The following DCLK2 variants were observed in gnomAD, a reference collection of about 807,000 sequenced individuals.
DCLK2 encodes the protein serine/threonine-protein kinase DCLK2.
DCLK2 carries 31 observed loss-of-function variants against 78.4 expected under a neutral mutation model. The ratio of observed to expected loss-of-function variants is 0.40; its 90% confidence interval spans 0.30 to 0.53. DCLK2 has a LOEUF of 0.53. DCLK2 is among the 20% of genes least tolerant of loss of function. The pLI is 0.61. For synonymous variants in DCLK2, 407 were observed against 374.9 expected (o/e 1.09, Z -0.99); for missense variants, 872 against 973.7 (o/e 0.90, Z 1.39).
rs528957477 is a variant in DCLK2 at position 150,130,489 on chromosome 4, G to C, written c.756+27677G>C. ...CATGCATGCACGTACAGCAGTAGCA[G>C]CAGCAGAAAAGCAAGTACAAAGATG... On this transcript the variant is annotated intron_variant, in intron 2 of 15. Coordinates refer to ENST00000296550, the MANE Select transcript of DCLK2 (RefSeq NM_001040260.4). Among the ~76,000 whole-genome samples, 3 of 152,212 alleles carry C rather than the reference G, an allele frequency of 2.0e-5. 1 individual carries two copies. The South Asian group carries it at 6.2e-4, about 32-fold the overall frequency.
intron 4 of DCLK2, chr4:150,198,911 C>CCCT (rs35851047): frequency 8.3e-5 from 12 of 144,770 alleles, no homozygotes; most frequent in Non-Finnish European, 8.8e-5. Context: ...CCTTTCAGCA[C>CCCT]CCCCCCCCCC....
intron 15 of DCLK2, chr4:150,254,002 G>T: frequency 2.7e-6 from 2 of 742,056 alleles, no homozygotes; most frequent in Non-Finnish European, 3.3e-6. Flanking sequence ...CTTGGTTTCA[G>T]GCAGGGCTGA....
chr4:150,202,524 C>T (rs567353200), intron 4 of DCLK2, among the ~76,000 whole-genome samples: 1 of 152,110 alleles, frequency 6.6e-6, no homozygotes, highest in Admixed American at 6.5e-5. Context: ...TTCTTGTAAT[C>T]ATTAGTACTC....
chr4:150,117,294 A>G (rs998909463), intron 2 of DCLK2, among the ~76,000 whole-genome samples: 2 of 152,160 alleles, frequency 1.3e-5, no homozygotes, highest in Admixed American at 6.5e-5. Flanking sequence ...TCTCGTAGGC[A>G]GTGTTCCACT....
At chr4:150,126,518 A>G (rs1732928992) in intron 2 of DCLK2, among the ~76,000 whole-genome samples, 4 of 152,208 alleles carry the variant, frequency 2.6e-5, no homozygotes, top group Admixed American at 2.0e-4. Flanking sequence ...GCCGTGGAGT[A>G]ATAGGTTTTA....
chr4:150,221,958 TTTG>T (rs201667811), intron 7 of DCLK2, among the ~76,000 whole-genome samples, 173 bp downstream of exon 7: 8 of 150,692 alleles, frequency 5.3e-5, no homozygotes, highest in African/African-American at 1.5e-4. Flanking sequence ...TTTCTTTCCT[TTTG>T]TTGTTTGTTT....
intron 2 of DCLK2, among the ~76,000 whole-genome samples, chr4:150,186,782 C>G (rs904258567): frequency 1.3e-5 from 2 of 152,260 alleles, no homozygotes; most frequent in East Asian, 3.9e-4. Flanking sequence ...AATACCAGCA[C>G]TTTGAGAGGC....
chr4:150,220,878 G>C (rs1560882872), intron 6 of DCLK2, 100 bp downstream of exon 6: 2 of 959,676 alleles, frequency 2.1e-6, no homozygotes, highest in East Asian at 2.7e-5. Flanking sequence ...TCTTCCTAAA[G>C]AGGGATGTGA....
At chr4:150,216,502 G>A (rs1234620898) in intron 5 of DCLK2, among the ~76,000 whole-genome samples, 11 of 152,268 alleles carry the variant, frequency 7.2e-5, no homozygotes. Context: ...AGTCGGGCGT[G>A]GTGGCGGGTG....
intron 1 of DCLK2, among the ~76,000 whole-genome samples, chr4:150,090,899 G>A (rs188243574): frequency 1.4e-4 from 21 of 152,178 alleles, no homozygotes; most frequent in Admixed American, 3.3e-4. Flanking sequence ...CCCCAGCCCC[G>A]CTCTGCAGAA....
intron 15 of DCLK2, chr4:150,253,330 A>G: frequency 2.5e-6 from 2 of 796,362 alleles, no homozygotes; most frequent in Non-Finnish European, 1.9e-6. Context: ...TACAGACAGG[A>G]CCTTCCCATC....
intron 2 of DCLK2, among the ~76,000 whole-genome samples, chr4:150,188,942 G>C (rs1485194895): frequency 1.4e-5 from 2 of 146,926 alleles, no homozygotes; most frequent in Non-Finnish European, 3.0e-5. Context: ...AGCTTCTATG[G>C]AAAAAAAAAG....
At chr4:150,208,045 G>A (rs1000023961) in intron 5 of DCLK2, among the ~76,000 whole-genome samples, 5 of 152,136 alleles carry the variant, frequency 3.3e-5, no homozygotes, top group African/African-American at 1.2e-4. Flanking sequence ...GACTTGATAG[G>A]CTTATTGCTG....
At chr4:150,239,601 C>CAAA in intron 10 of DCLK2, 141 bp from the exon 11 acceptor site, 1 of 951,568 alleles carries the variant, frequency 1.1e-6, no homozygotes, top group Non-Finnish European at 1.5e-6. Context: ...ACCGTGTCTT[C>CAAA]AAAAAAAAAA....
At chr4:150,112,074 A>G (rs770250860) in intron 2 of DCLK2, among the ~76,000 whole-genome samples, 8 of 152,050 alleles carry the variant, frequency 5.3e-5, no homozygotes, top group Non-Finnish European at 8.8e-5. Context: ...TCATTATGAT[A>G]ATATTCTTCC....
chr4:150,128,845 A>G (rs1034596216), intron 2 of DCLK2, among the ~76,000 whole-genome samples: 12 of 152,128 alleles, frequency 7.9e-5, no homozygotes, highest in Admixed American at 3.3e-4. Context: ...CTTCATAAGG[A>G]TTGGAAAGGA....
intron 2 of DCLK2, among the ~76,000 whole-genome samples, chr4:150,159,992 CT>C (rs34422399): frequency 0.051 from 7,510 of 146,722 alleles, 592 homozygotes; most frequent in African/African-American, 0.17. Context: ...TCTTTGATGA[CT>C]TTTTTTTTTT....
chr4:150,209,431 C>T (rs1299028792), intron 5 of DCLK2, among the ~76,000 whole-genome samples: 1 of 152,228 alleles, frequency 6.6e-6, no homozygotes, highest in Non-Finnish European at 1.5e-5. Flanking sequence ...GCCTTTGTTA[C>T]GAGGCTACAG....
chr4:150,148,709 AG>A (rs1734657830), intron 2 of DCLK2, among the ~76,000 whole-genome samples: 1 of 152,190 alleles, frequency 6.6e-6, no homozygotes, highest in East Asian at 1.9e-4. Context: ...ATCTAAATAT[AG>A]AGTTCATAAT....
Sources: gnomAD v4.1 joint callset for allele counts (sites outside exome capture counted in the v4.1 genomes callset) on GRCh38, gnomAD v4.1.1 for gene constraint, MANE v1.5 for transcripts, NCBI Gene and HGNC (gene_info 2026-07-23, HGNC 2026-07-21) for gene names.